The following MSI2 variants were observed in gnomAD, a reference collection of about 807,000 sequenced individuals.
The protein encoded by MSI2 is RNA-binding protein Musashi homolog 2.
In MSI2, 17 loss-of-function variants were observed where a neutral mutation model predicts 45.6. The ratio of observed to expected loss-of-function variants is 0.37; its 90% CI spans 0.26 to 0.56. MSI2 has a LOEUF of 0.56. MSI2 is among the 20% of genes least tolerant of loss of function. The probability of loss-of-function intolerance (pLI) is 0.77; values close to 1 mark genes in which losing one functional copy is unlikely to be tolerated. For synonymous variants in MSI2, 156 were observed against 158.2 expected (o/e 0.99, Z 0.11); for missense variants, 293 against 444.2 (o/e 0.66, Z 3.06).
At chr17:57,570,462 G>A (rs79152273) in intron 7 of MSI2, among the ~76,000 whole-genome samples, 2,769 of 152,246 alleles carry the variant, frequency 0.018, 41 homozygotes, top group Middle Eastern at 0.044. Flanking sequence ...AGTTATCCAC[G>A]GTTTTGCAGG....
chr17:57,326,390 C>T (rs1380661886), intron 5 of MSI2, among the ~76,000 whole-genome samples: 1 of 152,080 alleles, frequency 6.6e-6, no homozygotes, highest in Non-Finnish European at 1.5e-5. Flanking sequence ...TGATACATGA[C>T]TTATTACCTG....
At chr17:57,305,222 G>A (rs1212960026) in intron 5 of MSI2, among the ~76,000 whole-genome samples, 1 of 152,148 alleles carries the variant, frequency 6.6e-6, no homozygotes, top group African/African-American at 2.4e-5. Flanking sequence ...AAGGGCCCGA[G>A]CATCTGTCTG....
intron 7 of MSI2, among the ~76,000 whole-genome samples, chr17:57,558,148 G>A (rs1237795768): frequency 2.6e-5 from 4 of 152,158 alleles, no homozygotes; most frequent in Non-Finnish European, 5.9e-5. Flanking sequence ...GGGGGAAAAG[G>A]ACATGCTTAG....
In MSI2 at chr17:57,627,150, T is replaced by C. The variant is rs760089604; in HGVS notation, c.653-79T>C. The C allele has an allele frequency of 1.0e-5, 13 of 1,268,966 alleles. No homozygotes were observed. The highest frequency in any genetic ancestry group is 1.5e-5 in the Non-Finnish European group (13 of 866,708). 78.6% of individuals were successfully genotyped at this position (1,268,966 alleles called of 1,614,324 possible). ...GGAAAATAACTCAGGCTTTCCTCAT[T>C]GCCACCCTCCGTGAGATTTTACCCC... On this transcript the variant is annotated intron_variant, in intron 9 of 13. Transcript: ENST00000284073. This position sits in a 1 kb window ranked among gnomAD's most constrained non-coding sequence, Gnocchi z 4.6.
At position 57,281,401 on chromosome 17, in the gene MSI2, C is replaced by T. The variant is rs193057594; in HGVS notation, c.312+19209C>T. Among the ~76,000 whole-genome samples, 235 of 152,320 alleles carry T rather than the reference C, an allele frequency of 1.5e-3. 2 individuals carry two copies. Among genetic ancestry groups the T allele is most frequent in the African/African-American group, 5.3e-3 (219 of 41,574 alleles). On this transcript the variant is annotated intron_variant, in intron 5 of 13. Coordinates refer to ENST00000284073, the MANE Select transcript of MSI2 (RefSeq NM_138962.4). ...GTGGATTGATAATCATACTTCCCTA[C>T]TGAACTCCAAAGACTGAAAATGATG...
intron 5 of MSI2, among the ~76,000 whole-genome samples, chr17:57,275,806 A>G (rs1246803390): frequency 2.0e-5 from 3 of 152,224 alleles, no homozygotes; most frequent in Non-Finnish European, 2.9e-5. Context: ...AATTATAGGG[A>G]AAAAGCCATA....
At chr17:57,542,905 G>A (rs944804724) in intron 7 of MSI2, among the ~76,000 whole-genome samples, 2 of 152,166 alleles carry the variant, frequency 1.3e-5, no homozygotes, top group African/African-American at 2.4e-5. Flanking sequence ...TTCCTTTGTG[G>A]CACTTCTCAG....
chr17:57,618,366 C>CG (rs993588376), intron 9 of MSI2: 2 of 151,974 alleles, frequency 1.3e-5, no homozygotes, highest in Non-Finnish European at 2.9e-5. Context: ...GCACCACAGC[C>CG]GGGGCAGCAT....
At chr17:57,403,174 C>T (rs184340557) in intron 6 of MSI2, among the ~76,000 whole-genome samples, 5 of 152,292 alleles carry the variant, frequency 3.3e-5, no homozygotes, top group South Asian at 2.1e-4. Context: ...TCAGAAAAGT[C>T]GGTGCTGCCC....
intron 5 of MSI2, among the ~76,000 whole-genome samples, chr17:57,313,777 C>T (rs1293159102): frequency 6.6e-6 from 1 of 152,218 alleles, no homozygotes; most frequent in Admixed American, 6.5e-5. Flanking sequence ...ACAGGTGAGA[C>T]AGGGCTCTAC....
intron 10 of MSI2, chr17:57,632,207 T>TATC: frequency 8.9e-7 from 1 of 1,120,632 alleles, no homozygotes; most frequent in Non-Finnish European, 1.1e-6. Context: ...GTTGGGGACA[T>TATC]ATCATGGGGT....
chr17:57,665,537 A>G (rs1912303809), intron 11 of MSI2, among the ~76,000 whole-genome samples: 1 of 152,172 alleles, frequency 6.6e-6, no homozygotes, highest in Admixed American at 6.5e-5. Flanking sequence ...AAAAGGAGCT[A>G]CTCAAGTGGA....
At chr17:57,600,564 T>C (rs1026127078) in intron 8 of MSI2, among the ~76,000 whole-genome samples, 1 of 152,228 alleles carries the variant, frequency 6.6e-6, no homozygotes, top group Non-Finnish European at 1.5e-5. Flanking sequence ...GGGAGTCTCT[T>C]CCTGGGCATT....
rs1317210602 is a variant in MSI2 at position 57,596,678 on chromosome 17, C to T, written c.455-190C>T. Among the ~76,000 whole-genome samples the T allele has an allele frequency of 6.6e-6, 1 of 152,240 alleles. No homozygotes were observed. The highest frequency in any genetic ancestry group is 1.5e-5 in the Non-Finnish European group (1 of 68,038). The stretch of plus-strand genomic sequence containing the variant: ...GGGTGAAATCATTAACTTTTCCTCG[C>T]TGTCGGAAGGGTGCTCAGTACAAAT... On this transcript the variant is annotated intron_variant, in intron 7 of 13. Transcript: ENST00000284073. The surrounding 1 kb of genome is among the most constrained non-coding windows in gnomAD (Gnocchi z 4.6).
intron 5 of MSI2, among the ~76,000 whole-genome samples, chr17:57,370,188 G>C (rs1267103020): frequency 1.3e-5 from 2 of 152,190 alleles, no homozygotes; most frequent in African/African-American, 2.4e-5. Context: ...AGGGGAATCT[G>C]TGTGTTCTTT....
chr17:57,587,552 A>C (rs1334225831), intron 7 of MSI2, among the ~76,000 whole-genome samples: 2 of 120,750 alleles, frequency 1.7e-5, no homozygotes, highest in African/African-American at 6.1e-5. Flanking sequence ...CCCGCCCCCC[A>C]CCCAACTCCC....
At chr17:57,584,109 T>C (rs888115) in intron 7 of MSI2, among the ~76,000 whole-genome samples, 101,742 of 151,930 alleles carry the variant, frequency 0.67, 34,282 homozygotes, top group African/African-American at 0.73. Flanking sequence ...CAGACTGTGC[T>C]GCCCCCTGTC....
intron 5 of MSI2, among the ~76,000 whole-genome samples, chr17:57,333,800 AAAAC>A (rs1165666326): frequency 6.6e-6 from 1 of 152,058 alleles, no homozygotes; most frequent in East Asian, 1.9e-4. Context: ...AGGGAAAAAA[AAAAC>A]AAAAAGATTT....
At position 57,597,081 on chromosome 17, in the gene MSI2, T is replaced by A. The variant is rs1598434126; in HGVS notation, c.537+131T>A. 1.7e-5 allele frequency: 11 copies of A among 646,518 alleles called. No homozygotes were observed. In the South Asian group the frequency reaches 2.0e-4, roughly 12 times the overall value. 40.0% of individuals were successfully genotyped at this position (646,518 alleles called of 1,614,324 possible). On this transcript the variant is annotated intron_variant, in intron 8 of 13. Transcript: ENST00000284073. ...TGGGGAGGGGGCTAGATGCTCGGGG[T>A]CCAGGCCTGTGAACAGTAGCAGTTG...
Sources: gnomAD v4.1 joint callset for allele counts (sites outside exome capture counted in the v4.1 genomes callset) on GRCh38, gnomAD v4.1.1 for gene constraint, Gnocchi (gnomAD v3.1) non-coding constraint, MANE v1.5 for transcripts, NCBI Gene and HGNC (gene_info 2026-07-23, HGNC 2026-07-21) for gene names.